Variants in MAN2B2 observed in about 807,000 individuals in gnomAD.
MAN2B2 encodes the protein epididymis-specific alpha-mannosidase.
In MAN2B2, 106 loss-of-function variants were observed where a neutral mutation model predicts 117.1. The ratio of observed to expected loss-of-function variants is 0.90; its 90% CI spans 0.77 to 1.06. The LOEUF is 1.06. MAN2B2 is among the 50% of genes least tolerant of loss of function. The pLI is 0.00. For missense variants in MAN2B2, 1,326 were observed against 1,381.4 expected, an observed-to-expected ratio of 0.96 and a Z score of 0.64; for synonymous variants, 544 against 595.1, an observed-to-expected ratio of 0.91 and a Z score of 1.25.
rs768580940 is a variant in MAN2B2, at chr4:6,593,265, ACAT to A, written c.776_778del (p.Ile259del). ...ATGAGTGAGCCTGTCACCCCAGCCAACATCAACCTCTATGCCGAGGCCCTGGTG... is the reference window on the plus strand; with the variant it reads ...ATGAGTGAGCCTGTCACCCCAGCCAACAACCTCTATGCCGAGGCCCTGGTG... On this transcript the variant is annotated inframe_deletion, in exon 6 of 19. Transcript: ENST00000285599. 1.9e-5 allele frequency: 30 copies of A among 1,613,926 alleles called. No individual in the cohort carries two copies. Among genetic ancestry groups the A allele is most frequent in the Non-Finnish European group, 2.5e-5 (29 of 1,179,982 alleles).
At chr4:6,585,353 C>T (rs1041480915) in intron 3 of MAN2B2, among the ~76,000 whole-genome samples, 5 of 152,236 alleles carry the variant, frequency 3.3e-5, no homozygotes, top group African/African-American at 1.2e-4. Context: ...CTCTGAGGCA[C>T]TGTTCACCAA....
rs760605742 is a variant in MAN2B2, at chr4:6,611,226, G to A, written c.2511G>A (p.Arg837=). The change falls in exon 15 of 19, where the codon AGG becomes AGA. Residue 837 remains arginine (R), a synonymous_variant. Coordinates refer to ENST00000285599, the MANE Select transcript of MAN2B2 (RefSeq NM_015274.3). ...CCCTCACCACTGCCCTGCGCCAGAG[G>A]AGCGCACTGGCGCTGCAGCACAGGC... is the stretch of plus-strand genomic sequence containing the variant. ...SWSLTTALRQ[R]SALALQHRPV... 1.9e-6 allele frequency: 3 copies of A among 1,613,644 alleles called. No individual in the cohort carries two copies. The highest frequency in any genetic ancestry group is 2.2e-5 in the South Asian group (2 of 91,072).
intron 10 of MAN2B2, among the ~76,000 whole-genome samples, chr4:6,601,838 G>T (rs192857550): frequency 3.9e-5 from 6 of 152,200 alleles, no homozygotes; most frequent in African/African-American, 1.4e-4. Flanking sequence ...ACACAGCTGC[G>T]AGGTGGCAAA....
At chr4:6,578,788 A>G (rs1009893481) in intron 3 of MAN2B2, among the ~76,000 whole-genome samples, 7 of 152,096 alleles carry the variant, frequency 4.6e-5, no homozygotes, top group Non-Finnish European at 7.4e-5. Context: ...TTCCTCATAG[A>G]TAAAATGAGT....
intron 7 of MAN2B2, among the ~76,000 whole-genome samples, chr4:6,595,237 T>C (rs368362841): frequency 6.6e-6 from 1 of 152,230 alleles, no homozygotes; most frequent in Non-Finnish European, 1.5e-5. Flanking sequence ...AGTAAGCCTC[T>C]ACTCGCTGCC....
intron 15 of MAN2B2, among the ~76,000 whole-genome samples, chr4:6,613,442 G>A (rs2108757225): frequency 6.6e-6 from 1 of 152,190 alleles, no homozygotes; most frequent in East Asian, 1.9e-4. Flanking sequence ...ATTGGCCAGG[G>A]TGGTGGCCCA....
chr4:6,611,086 G>C lies in MAN2B2; in HGVS notation c.2371G>C (p.Val791Leu). ...CCTCTCGGACAATGCCTTCCCGCAG[G>C]TCATGCTCCACCGGCGGCTGTGGAA... ...ISSQGNGQVE[V>L]MLHRRLWNNF... Residue 791 changes from valine to leucine, a missense_variant and splice_region_variant, in exon 15 of 19, where the codon GTC (valine) becomes CTC (leucine). Transcript: ENST00000285599. The C allele has an allele frequency of 6.2e-7, 1 of 1,613,076 alleles. No homozygotes were observed. Among genetic ancestry groups the C allele is most frequent in the Non-Finnish European group, 8.5e-7 (1 of 1,179,312 alleles).
chr4:6,605,128 G>C lies in MAN2B2; in HGVS notation c.1613G>C (p.Arg538Pro). Residue 538 changes from arginine to proline, a missense_variant, in exon 11 of 19, where the codon CGG (arginine) becomes CCG (proline). Transcript: ENST00000285599. The part of the protein sequence containing the change: ...ILTTIPGLSY[R>P]HYNIRPTAGA... Reference sequence around the variant, plus strand: ...ACCACAATCCCAGGCCTCAGTTACCGGCACTACAACATCAGACCCACTGCA... The same window carrying C: ...ACCACAATCCCAGGCCTCAGTTACCCGCACTACAACATCAGACCCACTGCA... 6.2e-7 allele frequency: 1 copy of C among 1,614,140 alleles called. No homozygotes were observed. Among genetic ancestry groups the C allele is most frequent in the African/African-American group, 1.3e-5 (1 of 75,022 alleles).
intron 8 of MAN2B2, 55 bp from the exon 9 acceptor site, chr4:6,598,143 C>A: frequency 6.3e-7 from 1 of 1,577,204 alleles, no homozygotes; most frequent in Non-Finnish European, 8.7e-7. Flanking sequence ...CTTGTAGGTG[C>A]TTTGCAGAGT....
rs376725673 is a variant in MAN2B2, at chr4:6,578,418, G to A, written c.311G>A (p.Arg104His). The A allele has an allele frequency of 3.7e-5, 59 of 1,613,450 alleles. No homozygotes were observed. The highest frequency in any genetic ancestry group is 4.8e-5 in the Non-Finnish European group (57 of 1,179,770). Reference protein sequence around the residue: ...YQVRQLLEEGRLEFVIGGQVM... With the variant: ...YQVRQLLEEGHLEFVIGGQVM... ...GTCCGCCAGCTCCTGGAGGAAGGAC[G>A]CCTGGAATTTGTCATCGGAGGCCAG... The change falls in exon 3 of 19, where the codon CGC (arginine) becomes CAC (histidine). Residue 104 changes from arginine to histidine, a missense_variant. Physicochemically the swap from Arg to His is conservative, Grantham distance 29. Transcript: ENST00000285599.
chr4:6,596,278 TCACCACC>T (rs1442277257), intron 7 of MAN2B2, among the ~76,000 whole-genome samples: 1 of 151,894 alleles, frequency 6.6e-6, no homozygotes, highest in Non-Finnish European at 1.5e-5. Flanking sequence ...GAATCGGGCC[TCACCACC>T]CACTCTCAAC....
chr4:6,584,215 A>G (rs114545067), intron 3 of MAN2B2, among the ~76,000 whole-genome samples: 131 of 152,336 alleles, frequency 8.6e-4, no homozygotes, highest in African/African-American at 2.9e-3. Context: ...ACTACCTGTA[A>G]CAAAGCGACT....
rs746845148 is a variant in MAN2B2 at position 6,610,376 on chromosome 4, T to TG, written c.2259+327dup. 2.9e-3 allele frequency among the ~76,000 whole-genome samples: 445 copies of TG among 152,250 alleles called. 1 individual carries two copies. The highest frequency in any genetic ancestry group is 4.5e-3 in the Non-Finnish European group (309 of 68,002). ...TTCACAATGATGGCCAGGCTGGTCT[T>TG]GAACGCCTGACCTCAGATGATCCAC... On this transcript the variant is annotated intron_variant, in intron 13 of 18. Coordinates refer to ENST00000285599, the MANE Select transcript of MAN2B2 (RefSeq NM_015274.3).
rs780740629 is a variant in MAN2B2 at position 6,587,014 on chromosome 4, A to G, written c.410A>G (p.Tyr137Cys). The G allele has an allele frequency of 7.4e-6, 12 of 1,613,876 alleles. No homozygotes were observed. The East Asian group carries it at 2.5e-4, about 33-fold the overall frequency. Residue 137 changes from tyrosine to cysteine, a missense_variant, in exon 4 of 19, where the codon TAT (tyrosine) becomes TGT (cysteine). By Grantham distance (194) the Tyr-to-Cys change is radical. Coordinates refer to ENST00000285599, the MANE Select transcript of MAN2B2 (RefSeq NM_015274.3). ...LQLTEGHGFL[Y>C]ETFGIRPQFS... ...TTTGCAGAAGGACACGGGTTTCTCT[A>G]TGAAACATTTGGGATCCGGCCACAG...
intron 9 of MAN2B2, among the ~76,000 whole-genome samples, chr4:6,599,733 T>C: frequency 6.6e-6 from 1 of 151,762 alleles, no homozygotes; most frequent in East Asian, 1.9e-4. Context: ...CTTGTACTTC[T>C]TGGTGTCCCA....
Position 6,614,302 on chromosome 4 carries a change from C to T in MAN2B2, c.2648C>T (p.Pro883Leu), listed in dbSNP as rs201851950. The change falls in exon 16 of 19, where the codon CCT becomes CTT. Residue 883 changes from proline (P) to leucine (L), a missense_variant. By Grantham distance (98) the Pro-to-Leu change is moderately conservative. Transcript: ENST00000285599. ...PNLHLQILSI[P>L]GWRYSSNHTE... Reference sequence around the variant, plus strand: ...CTTCACCTGCAGATCCTGAGCATCCCTGGCTGGCGCTACAGCTCCAACCAC... The same window carrying T: ...CTTCACCTGCAGATCCTGAGCATCCTTGGCTGGCGCTACAGCTCCAACCAC... 33 of 1,614,200 alleles carry T rather than the reference C, an allele frequency of 2.0e-5. No individual in the cohort carries two copies. The East Asian group carries it at 7.1e-4, about 35-fold the overall frequency.
intron 16 of MAN2B2, among the ~76,000 whole-genome samples, chr4:6,615,151 T>G (rs1176422658): frequency 6.6e-6 from 1 of 152,184 alleles, no homozygotes; most frequent in East Asian, 1.9e-4. Flanking sequence ...ATCCCAGCAC[T>G]TAGGGGATCC....
In MAN2B2 at chr4:6,609,784, C is replaced by T; in HGVS notation, c.2007-14C>T. On this transcript the variant is annotated splice_polypyrimidine_tract_variant and intron_variant, in intron 12 of 18. Coordinates refer to ENST00000285599, the MANE Select transcript of MAN2B2 (RefSeq NM_015274.3). ...TCCTGGAGCTTCACTTACTGATGCT[C>T]CCTTCTCCTCCAGGAACATGACAGC... 7 of 1,603,890 alleles carry T rather than the reference C, an allele frequency of 4.4e-6. No homozygotes were observed. The highest frequency in any genetic ancestry group is 1.3e-5 in the African/African-American group (1 of 74,804).
chr4:6,607,302 G>GC (rs1727591135), intron 11 of MAN2B2, among the ~76,000 whole-genome samples: 1 of 152,146 alleles, frequency 6.6e-6, no homozygotes, highest in Admixed American at 6.5e-5. Flanking sequence ...CTCCTCTGGG[G>GC]CTCAAGTGAT....
Sources: gnomAD v4.1 joint callset for allele counts (sites outside exome capture counted in the v4.1 genomes callset) on GRCh38, gnomAD v4.1.1 for gene constraint, MANE v1.5 for transcripts, NCBI Gene and HGNC (gene_info 2026-07-23, HGNC 2026-07-21) for gene names.